Variants in BLTP3A observed in about 807,000 individuals in gnomAD.
BLTP3A encodes ICBP90 binding protein 1.
the BLTP3A span, among the ~76,000 whole-genome samples, chr6:34,798,967 G>A: frequency 6.6e-6 from 1 of 151,812 alleles, no homozygotes. Flanking sequence ...TTGGAGACAG[G>A]GTCTCGCTCT....
the BLTP3A span, among the ~76,000 whole-genome samples, chr6:34,811,724 T>G: frequency 7.6e-6 from 1 of 131,046 alleles, no homozygotes; most frequent in Non-Finnish European, 1.6e-5. Flanking sequence ...CCGGGCATGG[T>G]GATGCAGGCC....
At chr6:34,822,730 G>A in the BLTP3A span, among the ~76,000 whole-genome samples, 4 of 151,942 alleles carry the variant, frequency 2.6e-5, no homozygotes, top group East Asian at 7.8e-4. Context: ...GGTGGCAGGC[G>A]CCTGTAATCC....
At chr6:34,832,653 G>A in the BLTP3A span, among the ~76,000 whole-genome samples, 1 of 151,786 alleles carries the variant, frequency 6.6e-6, no homozygotes, top group Non-Finnish European at 1.5e-5. Flanking sequence ...ATCTCCCTTT[G>A]TTGCCCAGGC....
the BLTP3A span, among the ~76,000 whole-genome samples, chr6:34,798,154 A>G: frequency 2.0e-5 from 3 of 152,348 alleles, no homozygotes; most frequent in African/African-American, 4.8e-5. Context: ...ATTGAATTAT[A>G]TTTATACATT....
chr6:34,806,614 A>G, the BLTP3A span, among the ~76,000 whole-genome samples: 1 of 152,210 alleles, frequency 6.6e-6, no homozygotes, highest in African/African-American at 2.4e-5. Flanking sequence ...TCAAAGATAT[A>G]TGCTACACTT....
At chr6:34,849,591 T>C in the BLTP3A span, among the ~76,000 whole-genome samples, 1 of 152,220 alleles carries the variant, frequency 6.6e-6, no homozygotes, top group Non-Finnish European at 1.5e-5. Flanking sequence ...ATTCAAGATA[T>C]GAGTAGTTCA....
chr6:34,805,592 C>CAAAAA, the BLTP3A span, among the ~76,000 whole-genome samples: 1 of 96,116 alleles, frequency 1.0e-5, no homozygotes, highest in Admixed American at 1.2e-4. Flanking sequence ...GACTTGGTCT[C>CAAAAA]AAAAAAAAAA....
the BLTP3A span, among the ~76,000 whole-genome samples, chr6:34,831,588 G>C: frequency 6.6e-6 from 1 of 152,050 alleles, no homozygotes; most frequent in African/African-American, 2.4e-5. Flanking sequence ...TCTTCTAAAA[G>C]CTTTATTGTT....
the BLTP3A span, among the ~76,000 whole-genome samples, chr6:34,804,869 A>G: frequency 6.6e-6 from 1 of 152,202 alleles, no homozygotes; most frequent in Non-Finnish European, 1.5e-5. Flanking sequence ...TTTGAATCTT[A>G]GCTCTGTTGA....
the BLTP3A span, among the ~76,000 whole-genome samples, chr6:34,799,657 A>G: frequency 6.6e-6 from 1 of 152,244 alleles, no homozygotes. Flanking sequence ...TTGGATTCCA[A>G]AAAGTGGCTG....
the BLTP3A span, among the ~76,000 whole-genome samples, chr6:34,840,008 A>G: frequency 1.3e-5 from 2 of 152,356 alleles, no homozygotes; most frequent in African/African-American, 4.8e-5. Context: ...TTTACAGACA[A>G]TAGTGGTACA....
the BLTP3A span, among the ~76,000 whole-genome samples, chr6:34,836,837 G>C: frequency 6.6e-6 from 1 of 152,112 alleles, no homozygotes; most frequent in Non-Finnish European, 1.5e-5. Flanking sequence ...TTGTAATCTC[G>C]ACATACTTAG....
chr6:34,796,798 G>A, the BLTP3A span, among the ~76,000 whole-genome samples: 8 of 151,646 alleles, frequency 5.3e-5, no homozygotes, highest in Admixed American at 1.3e-4. Flanking sequence ...CTGCCCCCCC[G>A]AGTTCAAGTG....
At chr6:34,858,492 AG>A in the BLTP3A span, 1 of 1,614,118 alleles carries the variant, frequency 6.2e-7, no homozygotes, top group Non-Finnish European at 8.5e-7. Context: ...AAAACTTCAA[AG>A]GCCATACCTT....
chr6:34,857,998 C>G, the BLTP3A span: 1 of 1,566,974 alleles, frequency 6.4e-7, no homozygotes, highest in Non-Finnish European at 8.6e-7. Context: ...TGGTTTTGCT[C>G]TGTCCATTTT....
At chr6:34,824,395 A>G in the BLTP3A span, among the ~76,000 whole-genome samples, 1 of 151,482 alleles carries the variant, frequency 6.6e-6, no homozygotes, top group African/African-American at 2.4e-5. Context: ...CATTTCTACT[A>G]AAAATAAAAA....
the BLTP3A span, chr6:34,859,104 G>A: frequency 1.9e-6 from 3 of 1,614,060 alleles, no homozygotes; most frequent in East Asian, 2.2e-5. Flanking sequence ...ATCGGGAACT[G>A]AAGTCTGATG....
At chr6:34,840,818 G>A in the BLTP3A span, among the ~76,000 whole-genome samples, 13 of 151,386 alleles carry the variant, frequency 8.6e-5, no homozygotes, top group African/African-American at 1.7e-4. Context: ...CAGTTTCACC[G>A]TATGAACCAG....
At chr6:34,865,010 A>G in the BLTP3A span, among the ~76,000 whole-genome samples, 2 of 152,276 alleles carry the variant, frequency 1.3e-5, no homozygotes, top group African/African-American at 4.8e-5. Flanking sequence ...TTTTATATTG[A>G]CAAATTATAA....
Sources: gnomAD v4.1 joint callset for allele counts (sites outside exome capture counted in the v4.1 genomes callset) on GRCh38, gnomAD v4.1.1 for gene constraint, MANE v1.5 for transcripts, NCBI Gene and HGNC (gene_info 2026-07-23, HGNC 2026-07-21) for gene names.